PDE4D: variants seen among roughly 807,000 people sequenced by gnomAD.
PDE4D encodes phosphodiesterase 4D.
A neutral mutation model predicts 87.4 loss-of-function variants in PDE4D; 24 were observed. The observed-to-expected ratio is 0.27, with a 90% confidence interval of 0.20 to 0.39. The LOEUF (loss-of-function observed/expected upper bound fraction) is 0.39, where lower values mean the gene tolerates loss of function less well. Among genes scored for constraint, PDE4D ranks in the 10% least tolerant of loss-of-function variants. The pLI is 1.00. For missense variants in PDE4D, 714 were observed against 1,041.0 expected (o/e 0.69, Z 4.32); for synonymous variants, 384 against 383.2 (o/e 1.00, Z -0.02).
intron 1 of PDE4D, among the ~76,000 whole-genome samples, chr5:59,600,192 G>C (rs937728615): frequency 3.9e-5 from 6 of 152,194 alleles, no homozygotes; most frequent in African/African-American, 1.4e-4. Flanking sequence ...CTGAAGGCCA[G>C]GTCTCTCTTT....
Position 59,049,426 on chromosome 5 carries a change from T to A in PDE4D, c.809-10455A>T, listed in dbSNP as rs186568829. Among the ~76,000 whole-genome samples, 1,238 of 152,264 alleles carry A rather than the reference T, an allele frequency of 8.1e-3. 18 individuals are homozygous for A. The highest frequency in any genetic ancestry group is 0.029 in the African/African-American group (1,190 of 41,534). On this transcript the variant is annotated intron_variant, in intron 5 of 14. Transcript: ENST00000340635. ...TGCTTTCAAACTCTTTCTCTTTTTT[T>A]AAAAGAGTATTAGGAACTAACATTG...
At chr5:59,467,160 C>T (rs575815431) in intron 1 of PDE4D, among the ~76,000 whole-genome samples, 82 of 152,314 alleles carry the variant, frequency 5.4e-4, no homozygotes, top group African/African-American at 1.8e-3. Flanking sequence ...CTTCAGACTT[C>T]CAGCCTCCAG....
intron 1 of PDE4D, among the ~76,000 whole-genome samples, chr5:59,770,620 G>A (rs1763340903): frequency 6.6e-6 from 1 of 152,066 alleles, no homozygotes; most frequent in Non-Finnish European, 1.5e-5. Context: ...CAAAATTAAA[G>A]GCTCAGCAGT....
rs933036418 is a variant in PDE4D at position 60,200,383 on chromosome 5, A to C, written c.-89-14696T>G. ...AGAAGTCATTGAAGAGGAGAAAAAC[A>C]GTTCTGATATATAGCTCAACTTTCA... On this transcript the variant is annotated intron_variant, in intron 1 of 16. Coordinates refer to the PDE4D transcript ENST00000502484. 1.7e-4 allele frequency among the ~76,000 whole-genome samples: 26 copies of C among 151,600 alleles called. 2 individuals are homozygous for C. Among genetic ancestry groups the C allele is most frequent in the Non-Finnish European group, 3.4e-4 (23 of 67,724 alleles).
At chr5:60,036,352 G>A (rs1173081964) in intron 2 of PDE4D, among the ~76,000 whole-genome samples, 6 of 152,244 alleles carry the variant, frequency 3.9e-5, no homozygotes, top group African/African-American at 7.2e-5. Flanking sequence ...TAAGGAATAC[G>A]TTTTGTTTAA....
intron 5 of PDE4D, among the ~76,000 whole-genome samples, chr5:59,158,967 G>A (rs911117705): frequency 6.6e-6 from 1 of 152,220 alleles, no homozygotes; most frequent in South Asian, 2.1e-4. Flanking sequence ...CTAAAGCTCT[G>A]GAGTAGTTAT....
In PDE4D at chr5:60,014,091, T is replaced by TA. The variant is rs36035984; in HGVS notation, c.43-25375dup. ...CTGGCAACAGAGCAAGACTCCACCTTAAAAAAAAAAAAAAAAAAAAAAAGT... is the reference window on the plus strand; with the variant it reads ...CTGGCAACAGAGCAAGACTCCACCTTAAAAAAAAAAAAAAAAAAAAAAAAGT... On this transcript the variant is annotated intron_variant, in intron 2 of 16. Coordinates refer to the PDE4D transcript ENST00000502484. 4.7e-3 allele frequency among the ~76,000 whole-genome samples: 452 copies of TA among 96,350 alleles called. 3 individuals are homozygous for TA. The highest frequency in any genetic ancestry group is 0.011 in the Middle Eastern group (2 of 174). 63.2% of individuals were successfully genotyped at this position (96,350 alleles called of 152,430 possible). A position where few individuals can be genotyped will look rare whatever the true frequency, so the allele number is the denominator to read the frequency against.
At chr5:59,866,381 G>A (rs1340543088) in intron 1 of PDE4D, among the ~76,000 whole-genome samples, 1 of 152,114 alleles carries the variant, frequency 6.6e-6, no homozygotes, top group Admixed American at 6.6e-5. Context: ...GAGAATAAGT[G>A]CTTTTTCATA....
intron 2 of PDE4D, among the ~76,000 whole-genome samples, chr5:60,084,405 T>TGTGTGTGC (rs1554150173): frequency 8.0e-6 from 1 of 125,662 alleles, no homozygotes; most frequent in African/African-American, 2.9e-5. Flanking sequence ...TGTGTGTGTG[T>TGTGTGTGC]GCGCGCGCGC....
chr5:59,185,088 A>G, intron 4 of PDE4D, 101 bp downstream of exon 4: 1 of 811,296 alleles, frequency 1.2e-6, no homozygotes, highest in Non-Finnish European at 2.0e-6. Flanking sequence ...CAACATGGCA[A>G]CAACACAGAG....
intron 1 of PDE4D, among the ~76,000 whole-genome samples, chr5:60,257,220 AAGAG>A (rs1443406380): frequency 1.3e-5 from 1 of 74,424 alleles, no homozygotes; most frequent in Non-Finnish European, 2.5e-5. Flanking sequence ...GAAAGAAAGA[AAGAG>A]AAAGAAAGAA....
At chr5:60,380,689 T>A (rs941658077) in intron 1 of PDE4D, among the ~76,000 whole-genome samples, 2 of 152,164 alleles carry the variant, frequency 1.3e-5, no homozygotes, top group Non-Finnish European at 2.9e-5. Flanking sequence ...TTCACTGATA[T>A]GGGAAGCTAG....
At chr5:60,447,855 A>G (rs946023278) in intron 1 of PDE4D, among the ~76,000 whole-genome samples, 1 of 152,170 alleles carries the variant, frequency 6.6e-6, no homozygotes, top group Non-Finnish European at 1.5e-5. Flanking sequence ...CAGCAGAATT[A>G]CCGTTACTAT....
chr5:60,345,652 T>A (rs73106780), intron 1 of PDE4D, among the ~76,000 whole-genome samples: 15,852 of 151,766 alleles, frequency 0.1, 1,627 homozygotes, highest in African/African-American at 0.27. Context: ...AATAGTTGCA[T>A]AAAACTATAG....
intron 2 of PDE4D, among the ~76,000 whole-genome samples, chr5:60,091,492 T>A (rs1169450499): frequency 6.6e-6 from 1 of 152,158 alleles, no homozygotes; most frequent in African/African-American, 2.4e-5. Context: ...TAAACAATGC[T>A]TTCAAGGATG....
Position 59,185,179 on chromosome 5 carries a change from G to C in PDE4D, c.758+10C>G. The C allele has an allele frequency of 1.2e-6, 2 of 1,605,802 alleles. No homozygotes were observed. Among genetic ancestry groups the C allele is most frequent in the Non-Finnish European group, 1.7e-6 (2 of 1,173,784 alleles). On this transcript the variant is annotated intron_variant, in intron 4 of 14. Transcript: ENST00000340635. ...CAGCAAAAAAGAGGGGGGAAAAAAG[G>C]ATATCTTACTTGCTAGGTGCTCGAT... is the stretch of plus-strand genomic sequence containing the variant.
intron 1 of PDE4D, among the ~76,000 whole-genome samples, chr5:59,376,304 G>C (rs1451504477): frequency 6.6e-6 from 1 of 152,062 alleles, no homozygotes; most frequent in African/African-American, 2.4e-5. Context: ...CAGCCCAAAA[G>C]CTTCTTAAAC....
chr5:59,570,895 T>G (rs949422243), intron 1 of PDE4D, among the ~76,000 whole-genome samples: 1 of 152,200 alleles, frequency 6.6e-6, no homozygotes, highest in Admixed American at 6.5e-5. Flanking sequence ...TTAGTCAGGA[T>G]TACATTTGAA....
chr5:60,080,116 G>A (rs1468312230), intron 2 of PDE4D, among the ~76,000 whole-genome samples: 3 of 152,132 alleles, frequency 2.0e-5, no homozygotes, highest in African/African-American at 7.2e-5. Context: ...CTATTCCTAG[G>A]TATTTTACTC....
Sources: gnomAD v4.1 joint callset for allele counts (sites outside exome capture counted in the v4.1 genomes callset) on GRCh38, gnomAD v4.1.1 for gene constraint, MANE v1.5 for transcripts, NCBI Gene and HGNC (gene_info 2026-07-23, HGNC 2026-07-21) for gene names.